The following DDX60 variants were observed in gnomAD, a reference collection of about 807,000 sequenced individuals.
DDX60 encodes DExD/H-box helicase 60.
Under a neutral mutation model 212.8 loss-of-function variants are expected in DDX60, and 165 were observed. The ratio of observed to expected loss-of-function variants is 0.78; its 90% CI spans 0.68 to 0.88. DDX60 has a LOEUF of 0.88. Ranked by LOEUF, DDX60 falls within the 40% of genes least tolerant of loss-of-function variation. DDX60 has a pLI of 0.00. For synonymous variants in DDX60, 703 were observed against 685.3 expected (o/e 1.03, Z -0.40); for missense variants, 1,905 against 2,003.9 (o/e 0.95, Z 0.94).
chr4:168,280,228 G>A (rs1735528642), intron 14 of DDX60, 107 bp downstream of exon 14: 15 of 1,338,826 alleles, frequency 1.1e-5, no homozygotes, highest in African/African-American at 1.5e-5. Flanking sequence ...GTAAGATAGG[G>A]CATGTAAGTC....
intron 25 of DDX60, among the ~76,000 whole-genome samples, chr4:168,257,275 C>CTCCA (rs1356093867): frequency 6.6e-6 from 1 of 151,996 alleles, no homozygotes; most frequent in Non-Finnish European, 1.5e-5. Flanking sequence ...CACCACTGAA[C>CTCCA]TCCAGCCTGG....
At chr4:168,220,180 C>G (rs1221693696) in intron 37 of DDX60, among the ~76,000 whole-genome samples, 1 of 152,040 alleles carries the variant, frequency 6.6e-6, no homozygotes, top group East Asian at 1.9e-4. Flanking sequence ...AAATAGGAGG[C>G]CAATATGAAA....
chr4:168,302,884 A>T (rs666660), intron 5 of DDX60, among the ~76,000 whole-genome samples: 1 of 151,692 alleles, frequency 6.6e-6, no homozygotes, highest in Non-Finnish European at 1.5e-5. Context: ...CAGCCATTTT[A>T]AATATGCATT....
In DDX60 at chr4:168,294,030, G is replaced by A. The variant is rs114181285; in HGVS notation, c.724-85C>T. 1.3e-3 allele frequency: 1,644 copies of A among 1,234,426 alleles called. 11 individuals carry two copies. The Middle Eastern group carries it at 0.015, about 11-fold the overall frequency. The allele number at this position is 1,234,426 out of a possible 1,614,324, so 76.5% of individuals were successfully genotyped here. A position where few individuals can be genotyped will look rare whatever the true frequency, so the allele number is the denominator to read the frequency against. ...GTGATCTTACTAGTGGGTACTACTA[G>A]GCTTAATACATGTGTGACAAAATAA... On this transcript the variant is annotated intron_variant, in intron 6 of 37. Transcript: ENST00000393743.
chr4:168,283,233 GTTA>G, intron 13 of DDX60, among the ~76,000 whole-genome samples: 1 of 152,188 alleles, frequency 6.6e-6, no homozygotes, highest in Non-Finnish European at 1.5e-5. Context: ...AGATACATAT[GTTA>G]TTATGTATAG....
intron 25 of DDX60, among the ~76,000 whole-genome samples, chr4:168,259,493 G>A (rs535705832): frequency 7.9e-5 from 12 of 151,928 alleles, no homozygotes; most frequent in Non-Finnish European, 1.2e-4. Context: ...ACCCATCATC[G>A]TTATTTCAGA....
At chr4:168,220,499 G>T in intron 37 of DDX60, 156 bp downstream of exon 37, 1 of 518,846 alleles carries the variant, frequency 1.9e-6, no homozygotes, top group Non-Finnish European at 3.4e-6. Flanking sequence ...GTGTTGAACA[G>T]ACATTCTGCA....
In DDX60 at chr4:168,278,562, C is replaced by T. The variant is rs182257509; in HGVS notation, c.1978+1773G>A. On this transcript the variant is annotated intron_variant, in intron 14 of 37. Transcript: ENST00000393743. ...GAAGCGGGCCGGGCTCAGTGGCTCA[C>T]GCCTGTAATCCCAGCAATTTGAAAA... Among the ~76,000 whole-genome samples, 311 of 152,248 alleles carry T rather than the reference C, an allele frequency of 2.0e-3. 1 individual carries two copies. The highest frequency in any genetic ancestry group is 3.3e-3 in the Non-Finnish European group (226 of 68,026).
chr4:168,261,072 T>C, intron 24 of DDX60, 83 bp from the exon 25 acceptor site: 8 of 1,421,674 alleles, frequency 5.6e-6, no homozygotes, highest in East Asian at 2.3e-5. Flanking sequence ...ATTTTCATAG[T>C]TGTCTAATAT....
At chr4:168,245,085 G>A (rs911432937) in intron 30 of DDX60, among the ~76,000 whole-genome samples, 4 of 151,980 alleles carry the variant, frequency 2.6e-5, no homozygotes, top group Admixed American at 2.0e-4. Flanking sequence ...TGGTTAAGAT[G>A]GTAAATTTTA....
chr4:168,303,587 G>T (rs949877869), intron 5 of DDX60, among the ~76,000 whole-genome samples: 7 of 152,154 alleles, frequency 4.6e-5, no homozygotes, highest in Non-Finnish European at 1.0e-4. Context: ...AATTTCTACT[G>T]CCTAGTGATG....
chr4:168,275,687 G>C (rs528651459), intron 15 of DDX60, among the ~76,000 whole-genome samples, 184 bp from the exon 16 acceptor site: 4 of 151,936 alleles, frequency 2.6e-5, no homozygotes, highest in Non-Finnish European at 5.9e-5. Context: ...TCAAATATAC[G>C]TCATGATATT....
At chr4:168,264,995 T>C (rs759045356) in intron 22 of DDX60, among the ~76,000 whole-genome samples, 1 of 152,212 alleles carries the variant, frequency 6.6e-6, no homozygotes, top group Admixed American at 6.5e-5. Context: ...ACGGTAGGCA[T>C]TGATCTATGC....
At position 168,255,788 on chromosome 4, in the gene DDX60, G is replaced by C; in HGVS notation, c.3480C>G (p.Pro1160=). ...LKKKQETKRP[P]KADKEAHVMA... ...TGACATGGGCTTCTTTATCAGCTTT[G>C]GGAGGCCTTTTTGTCTCCTGCTTTT... Residue 1160 remains proline (P), a synonymous_variant, in exon 26 of 38, where the codon CCC becomes CCG. Coordinates refer to ENST00000393743, the MANE Select transcript of DDX60 (RefSeq NM_017631.6). The C allele has an allele frequency of 6.2e-7, 1 of 1,608,542 alleles. No homozygotes were observed. Among genetic ancestry groups the C allele is most frequent in the Non-Finnish European group, 8.5e-7 (1 of 1,178,432 alleles).
At chr4:168,312,206 C>T (rs1192979841) in intron 1 of DDX60, among the ~76,000 whole-genome samples, 2 of 152,104 alleles carry the variant, frequency 1.3e-5, no homozygotes, top group African/African-American at 4.8e-5. Context: ...GATGACTAGG[C>T]CATTCCCTGG....
rs1158117391 is a variant in DDX60 at position 168,274,088 on chromosome 4, A to G, written c.2305-5T>C. 1.2e-6 allele frequency: 2 copies of G among 1,614,132 alleles called. No homozygotes were observed. Among genetic ancestry groups the G allele is most frequent in the Admixed American group, 1.7e-5 (1 of 60,028 alleles). On this transcript the variant is annotated splice_polypyrimidine_tract_variant and splice_region_variant and intron_variant, in intron 16 of 37. Coordinates refer to ENST00000393743, the MANE Select transcript of DDX60 (RefSeq NM_017631.6). ...CACAACATCAAGGAGCTCTCGCTGC[A>G]GGGTGCAGAGTACCATTCATGTCAA...
At position 168,267,971 on chromosome 4, in the gene DDX60, C is replaced by A; in HGVS notation, c.2799G>T (p.Ser933=). 1 of 1,608,326 alleles carries A rather than the reference C, an allele frequency of 6.2e-7. No homozygotes were observed. The highest frequency in any genetic ancestry group is 8.5e-7 in the Non-Finnish European group (1 of 1,177,422). ...NPEHLTEWLQ[S]VKWYWKQEDK... The stretch of plus-strand genomic sequence containing the variant: ...CTTCTTGTTTCCAGTACCATTTTAC[C>A]GATTGTAGCCACCTTAAAAAATAAA... The change falls in exon 21 of 38, where the codon TCG becomes TCT. Residue 933 remains serine, a synonymous_variant. Coordinates refer to ENST00000393743, the MANE Select transcript of DDX60 (RefSeq NM_017631.6).
intron 14 of DDX60, among the ~76,000 whole-genome samples, chr4:168,279,192 A>C (rs1258497417): frequency 6.6e-6 from 1 of 152,260 alleles, no homozygotes; most frequent in Non-Finnish European, 1.5e-5. Flanking sequence ...CAACATAATC[A>C]GAAAGTGTGA....
Position 168,260,887 on chromosome 4 carries a change from T to C in DDX60, c.3376A>G (p.Lys1126Glu). Reference sequence around the variant, plus strand: ...TACAAAAAAAATAGTGCAGGTAACTTCTCCATTTTCCTTAGTTTTTCAACT... The same window carrying C: ...TACAAAAAAAATAGTGCAGGTAACTCCTCCATTTTCCTTAGTTTTTCAACT... ...LLVEKLRKME[K>E]LPALFFLFKL... The change falls in exon 25 of 38, where the codon AAG becomes GAG. Residue 1126 changes from lysine (K) to glutamate (E), a missense_variant. Transcript: ENST00000393743. The C allele has an allele frequency of 6.2e-7, 1 of 1,605,394 alleles. No individual in the cohort carries two copies. The highest frequency in any genetic ancestry group is 8.5e-7 in the Non-Finnish European group (1 of 1,174,776).
Sources: gnomAD v4.1 joint callset for allele counts (sites outside exome capture counted in the v4.1 genomes callset) on GRCh38, gnomAD v4.1.1 for gene constraint, MANE v1.5 for transcripts, NCBI Gene and HGNC (gene_info 2026-07-23, HGNC 2026-07-21) for gene names.